The following CDH13 variants were observed in gnomAD, a reference collection of about 807,000 sequenced individuals.
The protein encoded by CDH13 is cadherin 13.
A neutral mutation model predicts 63.8 loss-of-function variants in CDH13; 24 were observed. The observed-to-expected ratio is 0.38, with a 90% CI of 0.27 to 0.53. The LOEUF is 0.53. Among genes scored for constraint, CDH13 ranks in the 20% least tolerant of loss-of-function variants. The pLI, the probability that CDH13 is intolerant of heterozygous loss-of-function variation, is 0.85. For synonymous variants in CDH13, 503 were observed against 355.3 expected (o/e 1.42, Z -4.67); for missense variants, 1,049 against 903.1 (o/e 1.16, Z -2.07).
At chr16:83,507,740 A>C (rs1466478263) in intron 7 of CDH13, among the ~76,000 whole-genome samples, 1 of 152,080 alleles carries the variant, frequency 6.6e-6, no homozygotes, top group Non-Finnish European at 1.5e-5. Flanking sequence ...TTTGCTTAGT[A>C]AAAAATTTAT....
At chr16:82,651,725 T>G (rs1235956167) in intron 1 of CDH13, among the ~76,000 whole-genome samples, 11 of 152,210 alleles carry the variant, frequency 7.2e-5, no homozygotes, top group African/African-American at 2.2e-4. Flanking sequence ...GGCTTATACC[T>G]TCCCATTCTA....
intron 1 of CDH13, among the ~76,000 whole-genome samples, chr16:82,753,037 T>C (rs1051284905): frequency 6.6e-6 from 1 of 152,170 alleles, no homozygotes; most frequent in African/African-American, 2.4e-5. Context: ...GAATCATGAG[T>C]GCATGTAATG....
intron 1 of CDH13, among the ~76,000 whole-genome samples, chr16:82,795,311 C>G (rs1331406622): frequency 6.6e-6 from 1 of 152,156 alleles, no homozygotes; most frequent in African/African-American, 2.4e-5. Context: ...CAGTGGACCA[C>G]CTGTGTGAGT....
chr16:83,076,477 C>T (rs1410266177), intron 3 of CDH13, among the ~76,000 whole-genome samples: 2 of 152,142 alleles, frequency 1.3e-5, no homozygotes, highest in Non-Finnish European at 2.9e-5. Context: ...TTCATAAAAT[C>T]ATTTCTGAAC....
At chr16:83,060,385 G>A (rs1016658793) in intron 3 of CDH13, among the ~76,000 whole-genome samples, 2 of 152,136 alleles carry the variant, frequency 1.3e-5, no homozygotes, top group Non-Finnish European at 2.9e-5. Context: ...ACTTTACTTG[G>A]ATTATAAATT....
chr16:83,704,715 G>A (rs1906748389), intron 10 of CDH13, among the ~76,000 whole-genome samples: 1 of 152,180 alleles, frequency 6.6e-6, no homozygotes. Flanking sequence ...AAAGCCTTCA[G>A]TGCTCATTTT....
intron 5 of CDH13, among the ~76,000 whole-genome samples, chr16:83,230,324 GT>G (rs1597560905): frequency 6.6e-6 from 1 of 152,144 alleles, no homozygotes; most frequent in African/African-American, 2.4e-5. Flanking sequence ...AAATGGATGT[GT>G]TAACCCGGGA....
At chr16:83,630,324 T>A (rs1354318504) in intron 8 of CDH13, among the ~76,000 whole-genome samples, 1 of 152,208 alleles carries the variant, frequency 6.6e-6, no homozygotes, top group African/African-American at 2.4e-5. Context: ...ACGTTTATTT[T>A]GCCAAGGTTA....
At chr16:83,660,466 G>A (rs1196117230) in intron 8 of CDH13, among the ~76,000 whole-genome samples, 1 of 152,144 alleles carries the variant, frequency 6.6e-6, no homozygotes, top group Non-Finnish European at 1.5e-5. Context: ...TGGAGCTCAG[G>A]TGGTAATATG....
chr16:83,081,695 G>C (rs930607052), intron 3 of CDH13, among the ~76,000 whole-genome samples: 2 of 152,102 alleles, frequency 1.3e-5, no homozygotes, highest in African/African-American at 4.8e-5. Flanking sequence ...TAAAGAGAGA[G>C]AGAGAGAGAG....
chr16:82,662,806 C>T (rs927512907), intron 1 of CDH13, among the ~76,000 whole-genome samples: 1 of 152,146 alleles, frequency 6.6e-6, no homozygotes, highest in Non-Finnish European at 1.5e-5. Context: ...GGCTTCTCTG[C>T]CATTTAGAAG....
chr16:83,599,577 G>A (rs762548891), intron 7 of CDH13, among the ~76,000 whole-genome samples: 2 of 152,088 alleles, frequency 1.3e-5, no homozygotes, highest in Admixed American at 6.5e-5. Flanking sequence ...TAATTGCACT[G>A]TTATTTAAAA....
chr16:83,454,635 G>C (rs557511649), intron 6 of CDH13, among the ~76,000 whole-genome samples: 65 of 152,128 alleles, frequency 4.3e-4, no homozygotes, highest in Admixed American at 1.7e-3. Flanking sequence ...AAACATCTAG[G>C]CCATCGATTT....
chr16:83,391,344 T>G (rs1399497455), intron 6 of CDH13, among the ~76,000 whole-genome samples: 1 of 152,050 alleles, frequency 6.6e-6, no homozygotes, highest in Non-Finnish European at 1.5e-5. Flanking sequence ...TAGCTGGGAT[T>G]ACAGGTGCCT....
intron 10 of CDH13, among the ~76,000 whole-genome samples, chr16:83,741,500 ATG>A (rs1555523570): frequency 6.7e-6 from 1 of 149,726 alleles, no homozygotes; most frequent in African/African-American, 2.5e-5. Context: ...ATATATATAT[ATG>A]TGTGTGTGTG....
intron 3 of CDH13, among the ~76,000 whole-genome samples, chr16:83,116,727 C>G (rs79886005): frequency 0.031 from 4,701 of 152,284 alleles, 78 homozygotes; most frequent in South Asian, 0.042. Flanking sequence ...AATTTCCTAA[C>G]AATCACTGTG....
intron 7 of CDH13, among the ~76,000 whole-genome samples, chr16:83,571,849 C>T (rs1232682508): frequency 6.6e-6 from 1 of 152,176 alleles, no homozygotes; most frequent in African/African-American, 2.4e-5. Context: ...ACTGGTGCCT[C>T]ATTCCCCTGG....
At chr16:83,446,977 A>G (rs963902327) in intron 6 of CDH13, among the ~76,000 whole-genome samples, 1 of 144,890 alleles carries the variant, frequency 6.9e-6, no homozygotes, top group African/African-American at 2.5e-5. Context: ...CCTAATGGTC[A>G]TGTACCTGCA....
intron 4 of CDH13, among the ~76,000 whole-genome samples, chr16:83,199,012 T>C (rs1469717521): frequency 6.6e-6 from 1 of 152,208 alleles, no homozygotes; most frequent in East Asian, 1.9e-4. Flanking sequence ...GATAAGCTTA[T>C]AACAACTAGG....
Sources: allele counts gnomAD v4.1 joint callset (sites outside exome capture counted in the v4.1 genomes callset), GRCh38; gene constraint gnomAD v4.1.1; transcripts MANE v1.5; gene names NCBI Gene and HGNC (gene_info 2026-07-23, HGNC 2026-07-21).